COMMD10: variants seen among roughly 807,000 people sequenced by gnomAD.
COMMD10 encodes the protein COMM domain-containing protein 10.
COMMD10 carries 33 observed loss-of-function variants against 28.9 expected under a neutral mutation model. The observed-to-expected ratio is 1.14, with a 90% CI of 0.87 to 1.53. The LOEUF (loss-of-function observed/expected upper bound fraction) is 1.53. Among genes scored for constraint, COMMD10 ranks in the 40% most tolerant of loss-of-function variants. The pLI, the probability that COMMD10 is intolerant of heterozygous loss-of-function variation, is 0.00. For missense variants in COMMD10, 310 were observed against 233.4 expected, an observed-to-expected ratio of 1.33 and a Z score of -2.14; for synonymous variants, 110 against 81.7, an observed-to-expected ratio of 1.35 and a Z score of -1.87.
At chr5:116,291,885 A>G (rs1013572769) in intron 6 of COMMD10, among the ~76,000 whole-genome samples, 22 of 152,132 alleles carry the variant, frequency 1.4e-4, no homozygotes, top group African/African-American at 5.3e-4. Flanking sequence ...AATGTCAAAT[A>G]CTTTAATTTC....
intron 5 of COMMD10, among the ~76,000 whole-genome samples, chr5:116,146,659 A>T (rs1752360366): frequency 1.3e-5 from 2 of 151,872 alleles, no homozygotes; most frequent in Admixed American, 1.3e-4. Flanking sequence ...GTTAGTTACT[A>T]TGTGAATACT....
chr5:116,264,836 T>C (rs1033887340), intron 5 of COMMD10, among the ~76,000 whole-genome samples: 1 of 151,888 alleles, frequency 6.6e-6, no homozygotes, highest in African/African-American at 2.4e-5. Flanking sequence ...TAAGACATTA[T>C]TTGATTTTTA....
intron 2 of COMMD10, among the ~76,000 whole-genome samples, chr5:116,089,069 G>T (rs535786155): frequency 6.6e-6 from 1 of 152,174 alleles, no homozygotes; most frequent in Admixed American, 6.5e-5. Context: ...AATTTGTGAG[G>T]TGGATGGAGA....
intron 5 of COMMD10, among the ~76,000 whole-genome samples, chr5:116,268,095 A>T (rs1051336392): frequency 5.9e-5 from 9 of 151,900 alleles, no homozygotes; most frequent in Admixed American, 1.3e-4. Flanking sequence ...CAAAATTGAC[A>T]AATGGGATCT....
At chr5:116,281,483 T>G (rs1333741716) in intron 5 of COMMD10, among the ~76,000 whole-genome samples, 1 of 151,822 alleles carries the variant, frequency 6.6e-6, no homozygotes, top group Non-Finnish European at 1.5e-5. Context: ...CACTTTCGTT[T>G]CACTTTGCAT....
At chr5:116,115,627 A>C (rs1175919284) in intron 4 of COMMD10, among the ~76,000 whole-genome samples, 1 of 152,166 alleles carries the variant, frequency 6.6e-6, no homozygotes, top group African/African-American at 2.4e-5. Flanking sequence ...AACATTTATT[A>C]AATCATGAAT....
chr5:116,252,134 T>G (rs1750136595), intron 5 of COMMD10, among the ~76,000 whole-genome samples: 1 of 147,820 alleles, frequency 6.8e-6, no homozygotes, highest in South Asian at 2.2e-4. Flanking sequence ...TTGCCCACTT[T>G]TTGATGGGGT....
intron 3 of COMMD10, 85 bp downstream of exon 3, chr5:116,091,274 TTTAATTAAAAAGTATG>T: frequency 9.7e-6 from 6 of 621,340 alleles, no homozygotes; most frequent in Non-Finnish European, 1.6e-5. Context: ...TTCTGTTTTT[TTTAATTAAAAAGTATG>T]CAAGATGGAA....
At chr5:116,247,818 G>T (rs535620112) in intron 5 of COMMD10, among the ~76,000 whole-genome samples, 2 of 152,148 alleles carry the variant, frequency 1.3e-5, no homozygotes, top group South Asian at 4.1e-4. Flanking sequence ...ATTGGAGGGT[G>T]AAGGTGGGAG....
chr5:116,113,229 G>C (rs1483980788), intron 4 of COMMD10, among the ~76,000 whole-genome samples: 3 of 151,916 alleles, frequency 2.0e-5, no homozygotes, highest in East Asian at 3.9e-4. Context: ...CTTTTCTCTT[G>C]ATTGTAGAAT....
intron 5 of COMMD10, among the ~76,000 whole-genome samples, chr5:116,228,296 T>C (rs377609753): frequency 6.6e-6 from 1 of 151,950 alleles, no homozygotes; most frequent in East Asian, 1.9e-4. Context: ...CACAAAATCA[T>C]TATTTTGATA....
chr5:116,198,929 A>T (rs1300412680), intron 5 of COMMD10, among the ~76,000 whole-genome samples: 1 of 152,066 alleles, frequency 6.6e-6, no homozygotes, highest in Non-Finnish European at 1.5e-5. Flanking sequence ...CCATGTGCAA[A>T]TTTTTGTATG....
At chr5:116,209,881 T>C (rs373261349) in intron 5 of COMMD10, among the ~76,000 whole-genome samples, 3 of 152,292 alleles carry the variant, frequency 2.0e-5, no homozygotes, top group African/African-American at 7.2e-5. Flanking sequence ...AGTTACTCTC[T>C]TTATTCTGGT....
intron 2 of COMMD10, 99 bp downstream of exon 2, chr5:116,087,686 A>C: frequency 1.3e-6 from 1 of 782,738 alleles, no homozygotes; most frequent in Non-Finnish European, 2.2e-6. Context: ...GTGTTCTCCA[A>C]TATGTTCTTA....
At chr5:116,271,682 C>G (rs1207613213) in intron 5 of COMMD10, among the ~76,000 whole-genome samples, 4 of 151,816 alleles carry the variant, frequency 2.6e-5, no homozygotes, top group Admixed American at 6.6e-5. Context: ...GAGCCTATGT[C>G]TACTTGGAAG....
At chr5:116,091,312 A>G (rs954611919) in intron 3 of COMMD10, 123 bp downstream of exon 3, 10 of 483,030 alleles carry the variant, frequency 2.1e-5, no homozygotes, top group Middle Eastern at 5.4e-4. Flanking sequence ...CTGTGAATGT[A>G]TTTTAGTTAA....
chr5:116,219,722 G>A (rs1212677747), intron 5 of COMMD10, among the ~76,000 whole-genome samples: 1 of 152,140 alleles, frequency 6.6e-6, no homozygotes, highest in African/African-American at 2.4e-5. Context: ...GTAGTAATTT[G>A]TTTTCAGCAG....
At chr5:116,249,820 G>C (rs1750057872) in intron 5 of COMMD10, among the ~76,000 whole-genome samples, 1 of 151,778 alleles carries the variant, frequency 6.6e-6, no homozygotes, top group African/African-American at 2.4e-5. Flanking sequence ...GGGAATTCTT[G>C]GCAAGAGATT....
intron 5 of COMMD10, among the ~76,000 whole-genome samples, chr5:116,146,501 A>G (rs1314350975): frequency 6.6e-6 from 1 of 151,916 alleles, no homozygotes; most frequent in East Asian, 1.9e-4. Context: ...ACTTCAAGAC[A>G]GAGTAAAGAT....
Sources: allele counts gnomAD v4.1 joint callset (sites outside exome capture counted in the v4.1 genomes callset), GRCh38; gene constraint gnomAD v4.1.1; transcripts MANE v1.5; gene names NCBI Gene and HGNC (gene_info 2026-07-23, HGNC 2026-07-21).